VPS13C: variants seen among roughly 807,000 people sequenced by gnomAD.
VPS13C encodes the protein intermembrane lipid transfer protein VPS13C.
Under a neutral mutation model 456.8 loss-of-function variants are expected in VPS13C, and 358 were observed. That is an observed-to-expected ratio of 0.78 (90% CI 0.72 to 0.86). The LOEUF is 0.86. Among genes scored for constraint, VPS13C ranks in the 40% least tolerant of loss-of-function variants. The pLI is 0.00. For synonymous variants in VPS13C, 1,578 were observed against 1,486.7 expected (o/e 1.06, Z -1.41); for missense variants, 4,818 against 4,385.4 (o/e 1.10, Z -2.79).
At chr15:61,943,377 G>A (rs2044493572) in intron 45 of VPS13C, among the ~76,000 whole-genome samples, 1 of 152,104 alleles carries the variant, frequency 6.6e-6, no homozygotes, top group South Asian at 2.1e-4. Flanking sequence ...ATACTATAAA[G>A]CTACAGTAAC....
chr15:61,948,923 C>T lies in VPS13C; in HGVS notation c.4759+520G>A, dbSNP rs188527664. ...ATATGTCATACCTAATTTTTCATAA[C>T]ATAAGTCATATGCCTGAGGACCCTG... On this transcript the variant is annotated intron_variant, in intron 42 of 84. Coordinates refer to ENST00000644861, the MANE Select transcript of VPS13C (RefSeq NM_020821.3). Among the ~76,000 whole-genome samples, 244 of 152,264 alleles carry T rather than the reference C, an allele frequency of 1.6e-3. 2 individuals carry two copies. The highest frequency in any genetic ancestry group is 5.7e-3 in the African/African-American group (238 of 41,544).
At chr15:61,880,311 A>G (rs1333037057) in intron 73 of VPS13C, among the ~76,000 whole-genome samples, 1 of 152,120 alleles carries the variant, frequency 6.6e-6, no homozygotes, top group African/African-American at 2.4e-5. Context: ...ACAAAGTGCA[A>G]CCAAAACATT....
intron 67 of VPS13C, 82 bp from the exon 68 acceptor site, chr15:61,884,351 C>A: frequency 7.1e-7 from 1 of 1,401,264 alleles, no homozygotes; most frequent in Non-Finnish European, 9.7e-7. Context: ...ATTATTGTAA[C>A]TATTATTTTC....
intron 15 of VPS13C, among the ~76,000 whole-genome samples, chr15:62,005,917 T>C (rs2046820977): frequency 6.6e-6 from 1 of 151,514 alleles, no homozygotes; most frequent in Non-Finnish European, 1.5e-5. Context: ...TTGGCCAGGC[T>C]GGTCTCCAAT....
In VPS13C at chr15:61,868,742, G is replaced by A. The variant is rs752646725; in HGVS notation, c.10780C>T (p.Leu3594Phe). 2.7e-5 allele frequency: 44 copies of A among 1,613,962 alleles called. No homozygotes were observed. The South Asian group carries it at 4.6e-4, about 17-fold the overall frequency. Residue 3594 changes from leucine (L) to phenylalanine (F), a missense_variant, in exon 81 of 85, where the codon CTC becomes TTC. Physicochemically the swap from Leu to Phe is conservative, Grantham distance 22 (BLOSUM62 0). Around this residue, in one of 3 missense-constraint regions of VPS13C, gnomAD observed 261 missense variants for 234.1 expected, o/e 1.11. Coordinates refer to ENST00000644861, the MANE Select transcript of VPS13C (RefSeq NM_020821.3). ...AAESTEEVSS[L>F]RPPRLIHEDG... Reference sequence around the variant, plus strand: ...TCATGGATCAGGCGAGGGGGACGGAGGCTAGATACTTCCTCAGTTGATTCT... The same window carrying A: ...TCATGGATCAGGCGAGGGGGACGGAAGCTAGATACTTCCTCAGTTGATTCT...
At chr15:61,967,666 T>A (rs2045420362) in intron 28 of VPS13C, among the ~76,000 whole-genome samples, 1 of 151,994 alleles carries the variant, frequency 6.6e-6, no homozygotes, top group Admixed American at 6.6e-5. Context: ...GCATATTTAT[T>A]TTCACCTGAT....
At chr15:61,904,721 A>G (rs2043105131) in intron 66 of VPS13C, among the ~76,000 whole-genome samples, 2 of 152,274 alleles carry the variant, frequency 1.3e-5, no homozygotes, top group African/African-American at 4.8e-5. Context: ...TAAGATATGG[A>G]ACCAACCTAA....
At chr15:61,891,610 G>A (rs1410814624) in intron 66 of VPS13C, among the ~76,000 whole-genome samples, 2 of 152,006 alleles carry the variant, frequency 1.3e-5, no homozygotes, top group Non-Finnish European at 2.9e-5. Flanking sequence ...ATATCCCCAG[G>A]TAATTGTGTT....
chr15:61,913,295 G>C lies in VPS13C; in HGVS notation c.8550+16C>G. On this transcript the variant is annotated intron_variant, in intron 62 of 84. Coordinates refer to ENST00000644861, the MANE Select transcript of VPS13C (RefSeq NM_020821.3). ...GGTGAACGGAATCAAAGGTAAATAAGGAAGCAGAATCTTACCAGGTACTCC... is the reference window on the plus strand; with the variant it reads ...GGTGAACGGAATCAAAGGTAAATAACGAAGCAGAATCTTACCAGGTACTCC... 6.2e-7 allele frequency: 1 copy of C among 1,608,474 alleles called. No homozygotes were observed. Among genetic ancestry groups the C allele is most frequent in the South Asian group, 1.1e-5 (1 of 90,906 alleles).
chr15:61,991,634 C>T, intron 17 of VPS13C, 39 bp downstream of exon 17: 1 of 1,579,128 alleles, frequency 6.3e-7, no homozygotes, highest in Non-Finnish European at 8.6e-7. Flanking sequence ...TTTTTTTTAA[C>T]TTAACACTGT....
chr15:61,916,173 G>C, intron 60 of VPS13C, 151 bp from the exon 61 acceptor site: 2 of 962,710 alleles, frequency 2.1e-6, no homozygotes, highest in Non-Finnish European at 2.9e-6. Flanking sequence ...CAAATGTCCA[G>C]TACTCACCAA....
chr15:61,941,135 C>A (rs2044407129), intron 46 of VPS13C, among the ~76,000 whole-genome samples: 2 of 152,210 alleles, frequency 1.3e-5, no homozygotes, highest in Non-Finnish European at 2.9e-5. Context: ...CCTCCTAAAA[C>A]TGGAAGATGA....
chr15:62,043,817 T>A (rs772918841), intron 2 of VPS13C, among the ~76,000 whole-genome samples: 44 of 152,194 alleles, frequency 2.9e-4, no homozygotes, highest in Non-Finnish European at 5.9e-4. Flanking sequence ...AAATCCTATT[T>A]TACCTCTTAA....
Position 61,852,463 on chromosome 15 carries a change from T to C in VPS13C, c.*1994A>G, listed in dbSNP as rs1440966497. ...AAGTAATTACCTCTCAAAGCATTTTTAAAAAACGCATTATTACACTTTACC... is the reference window on the plus strand; with the variant it reads ...AAGTAATTACCTCTCAAAGCATTTTCAAAAAACGCATTATTACACTTTACC... On this transcript the variant is annotated 3_prime_UTR_variant, in exon 85 of 85. Transcript: ENST00000644861. The C allele has an allele frequency of 1.3e-5, 2 of 152,224 alleles. No homozygotes were observed. The highest frequency in any genetic ancestry group is 6.5e-5 in the Admixed American group (1 of 15,284). The allele number at this position is 152,224 out of a possible 1,614,324, so 9.4% of individuals were successfully genotyped here.
chr15:61,978,844 G>C (rs1197422273), intron 22 of VPS13C, 95 bp from the exon 23 acceptor site: 1 of 1,253,158 alleles, frequency 8.0e-7, no homozygotes, highest in Non-Finnish European at 1.1e-6. Flanking sequence ...CATTTAGTTA[G>C]TTAAAACCTA....
At chr15:61,904,195 C>A (rs1258324828) in intron 66 of VPS13C, among the ~76,000 whole-genome samples, 1 of 151,574 alleles carries the variant, frequency 6.6e-6, no homozygotes, top group African/African-American at 2.4e-5. Flanking sequence ...AGACAACAAA[C>A]CGAAAGAGAG....
At position 61,884,119 on chromosome 15, in the gene VPS13C, T is replaced by G. The variant is rs750724139; in HGVS notation, c.9483+9A>C. On this transcript the variant is annotated intron_variant, in intron 68 of 84. Transcript: ENST00000644861. ...ATATAAAAATCAAAACAAAAGAATT[T>G]TGGTATACCTCAAAATTATTATCTA... 2 of 1,566,760 alleles carry G rather than the reference T, an allele frequency of 1.3e-6. No individual in the cohort carries two copies. The highest frequency in any genetic ancestry group is 2.8e-5 in the African/African-American group (2 of 71,770).
At chr15:62,000,528 G>A (rs184079336) in intron 16 of VPS13C, 36 bp downstream of exon 16, 1 of 1,582,350 alleles carries the variant, frequency 6.3e-7, no homozygotes, top group African/African-American at 1.4e-5. Flanking sequence ...GCATTAACAT[G>A]TTTAAAACAT....
At position 61,867,808 on chromosome 15, in the gene VPS13C, T is replaced by G; in HGVS notation, c.10863+851A>C. The G allele has an allele frequency of 6.6e-7, 1 of 1,519,796 alleles. No individual in the cohort carries two copies. Among genetic ancestry groups the G allele is most frequent in the Non-Finnish European group, 8.8e-7 (1 of 1,135,102 alleles). 94.1% of individuals were successfully genotyped at this position (1,519,796 alleles called of 1,614,324 possible). The stretch of plus-strand genomic sequence containing the variant: ...CTACTATGAAAAGTTCAGATGGAGG[T>G]GAGAGTTTTAAAGAAAATTTCATTA... On this transcript the variant is annotated intron_variant, in intron 81 of 84. Transcript: ENST00000644861. The surrounding 1 kb of genome is among the most constrained non-coding windows in gnomAD (Gnocchi z 5.0).
Sources: gnomAD v4.1 joint callset for allele counts (sites outside exome capture counted in the v4.1 genomes callset) on GRCh38, gnomAD v4.1.1 for gene constraint, gnomAD v4.1.1 regional missense constraint, Gnocchi (gnomAD v3.1) non-coding constraint, MANE v1.5 for transcripts, NCBI Gene and HGNC (gene_info 2026-07-23, HGNC 2026-07-21) for gene names.